The following MFGE8 variants were observed in gnomAD, a reference collection of about 807,000 sequenced individuals.
The protein encoded by MFGE8 is milk fat globule EGF and factor V/VIII domain containing, also known as lactadherin.
MFGE8 carries 34 observed loss-of-function variants against 42.6 expected under a neutral mutation model. That is an observed-to-expected ratio of 0.80 (90% CI 0.61 to 1.06). MFGE8 has a LOEUF of 1.06. MFGE8 is among the 50% of genes least tolerant of loss of function. MFGE8 has a pLI of 0.00. For missense variants in MFGE8, 510 were observed against 516.9 expected (o/e 0.99, Z 0.13); for synonymous variants, 230 against 214.8 (o/e 1.07, Z -0.62).
chr15:88,910,911 T>C (rs1376741329), intron 1 of MFGE8: 1 of 151,836 alleles, frequency 6.6e-6, no homozygotes, highest in Non-Finnish European at 1.5e-5. Context: ...AAAATAAAAA[T>C]AAAATAAAAA....
rs1375624830 is a variant in MFGE8, at chr15:88,905,934, G to A, written c.541-33C>T. 10 of 1,613,608 alleles carry A rather than the reference G, an allele frequency of 6.2e-6. No homozygotes were observed. The South Asian group carries it at 8.8e-5, about 14-fold the overall frequency. On this transcript the variant is annotated intron_variant, in intron 4 of 7. Coordinates refer to ENST00000268150, the MANE Select transcript of MFGE8 (RefSeq NM_005928.4). The surrounding 1 kb of genome is among the most constrained non-coding windows in gnomAD (Gnocchi z 6.6). ...GGAAGGGACAAGACTGGAGAAGGGG[G>A]TCCATCTGAGCAGTCCCCCTCCCTG...
At chr15:88,908,318 C>T (rs989247497) in intron 2 of MFGE8, among the ~76,000 whole-genome samples, 3 of 152,190 alleles carry the variant, frequency 2.0e-5, no homozygotes, top group Non-Finnish European at 4.4e-5. Context: ...GAGGGGAACG[C>T]GCAAAGTGAG....
chr15:88,907,145 C>G, intron 3 of MFGE8, 50 bp downstream of exon 3: 1 of 1,574,360 alleles, frequency 6.4e-7, no homozygotes, highest in Non-Finnish European at 8.6e-7. Context: ...CAGAAACATT[C>G]ATCGAGCCTT....
Position 88,899,445 on chromosome 15 carries a change from CAGGCAGGATGCGCACATAGCG to C in MFGE8, c.1093_1113del (p.Arg365_Pro371del). On this transcript the variant is annotated inframe_deletion, in exon 8 of 8. Coordinates refer to ENST00000268150, the MANE Select transcript of MFGE8 (RefSeq NM_005928.4). The surrounding 1 kb of genome is among the most constrained non-coding windows in gnomAD (Gnocchi z 6.8). ...AGGGCGATGCGGTTGTGCCAGGCTA[CAGGCAGGATGCGCACATAGCG>C]AGCCAGGATGGGCGTCTCAAACAAG... 6.2e-7 allele frequency: 1 copy of C among 1,614,228 alleles called. No individual in the cohort carries two copies. Among genetic ancestry groups the C allele is most frequent in the Non-Finnish European group, 8.5e-7 (1 of 1,180,032 alleles).
At position 88,899,537 on chromosome 15, in the gene MFGE8, A is replaced by T; in HGVS notation, c.1027-5T>A. ...GTCCCAGTTGCCAGGGAAGATCTAG[A>T]GGCAGAGCGGGTGTCAGGAGGACCC... On this transcript the variant is annotated splice_region_variant and splice_polypyrimidine_tract_variant and intron_variant, in intron 7 of 7. Transcript: ENST00000268150. This position sits in a 1 kb window ranked among gnomAD's most constrained non-coding sequence, Gnocchi z 6.8. The T allele has an allele frequency of 6.2e-7, 1 of 1,614,168 alleles. No individual in the cohort carries two copies. Among genetic ancestry groups the T allele is most frequent in the Non-Finnish European group, 8.5e-7 (1 of 1,180,016 alleles).
chr15:88,907,462 G>T, intron 2 of MFGE8, 86 bp from the exon 3 acceptor site: 2 of 1,231,934 alleles, frequency 1.6e-6, no homozygotes, highest in Non-Finnish European at 2.4e-6. Context: ...AAATAAGACT[G>T]TATGACCTCT....
intron 2 of MFGE8, among the ~76,000 whole-genome samples, chr15:88,907,793 C>T (rs943337493): frequency 1.3e-5 from 2 of 151,980 alleles, no homozygotes; most frequent in African/African-American, 4.8e-5. Flanking sequence ...ACTGGTGGCA[C>T]AGAATACCGG....
Position 88,905,622 on chromosome 15 carries a change from G to A in MFGE8, c.685+135C>T, listed in dbSNP as rs1463297720. On this transcript the variant is annotated intron_variant, in intron 5 of 7. Transcript: ENST00000268150. The surrounding 1 kb of genome is among the most constrained non-coding windows in gnomAD (Gnocchi z 6.6). The stretch of plus-strand genomic sequence containing the variant: ...GCCAGGTGACCCCCTAGAGTGCGTT[G>A]CCCGAGTGAAGCCTGGTCCCCGTGC... The A allele has an allele frequency of 2.4e-6, 3 of 1,231,590 alleles. No homozygotes were observed. Among genetic ancestry groups the A allele is most frequent in the Admixed American group, 3.7e-5 (2 of 53,704 alleles). The allele number at this position is 1,231,590 out of a possible 1,614,324, so 76.3% of individuals were successfully genotyped here.
Position 88,899,564 on chromosome 15 carries a change from G to A in MFGE8, c.1027-32C>T, listed in dbSNP as rs761913732. On this transcript the variant is annotated intron_variant, in intron 7 of 7. Coordinates refer to ENST00000268150, the MANE Select transcript of MFGE8 (RefSeq NM_005928.4). This position sits in a 1 kb window ranked among gnomAD's most constrained non-coding sequence, Gnocchi z 6.8. ...GCAGAGCGGGTGTCAGGAGGACCCC[G>A]AGCCAGCCCCCCTCCCCTCAGAGCC... 1.2e-5 allele frequency: 19 copies of A among 1,614,004 alleles called. No individual in the cohort carries two copies. Among genetic ancestry groups the A allele is most frequent in the East Asian group, 1.1e-4 (5 of 44,890 alleles).
rs376048426 is a variant in MFGE8 at position 88,905,887 on chromosome 15, G to T, written c.555C>A (p.Asn185Lys). ...VNKKHKEFVG[N>K]WNKNAVHVNL... ...TGACATGCACCGCGTTTTTGTTCCA[G>T]TTACCCACAAACTCCTAGCAGGGAA... is the stretch of plus-strand genomic sequence containing the variant. Residue 185 changes from asparagine to lysine, a missense_variant, in exon 5 of 8, where the codon AAC becomes AAA. Asn to Lys is a moderately conservative substitution (Grantham distance 94, BLOSUM62 0). Transcript: ENST00000268150. The surrounding 1 kb of genome is among the most constrained non-coding windows in gnomAD (Gnocchi z 6.6). 3.5e-5 allele frequency: 56 copies of T among 1,614,068 alleles called. No individual in the cohort carries two copies. Among genetic ancestry groups the T allele is most frequent in the Non-Finnish European group, 4.6e-5 (54 of 1,180,028 alleles).
In MFGE8 at chr15:88,901,231, TCACA is replaced by T. The variant is rs72336425; in HGVS notation, c.870+316_870+319del. On this transcript the variant is annotated intron_variant, in intron 6 of 7. Coordinates refer to ENST00000268150, the MANE Select transcript of MFGE8 (RefSeq NM_005928.4). Reference sequence around the variant, plus strand: ...CACACACACATTCACACATACACATTCACACACACATTCACACGCACGCATTCAC... The same window carrying T: ...CACACACACATTCACACATACACATTCACACATTCACACGCACGCATTCAC... Among the ~76,000 whole-genome samples the T allele has an allele frequency of 2.6e-4, 17 of 66,034 alleles. 1 individual carries two copies. Among genetic ancestry groups the T allele is most frequent in the African/African-American group, 6.0e-4 (13 of 21,520 alleles). The allele number at this position is 66,034 out of a possible 152,430, so 43.3% of individuals were successfully genotyped here. A position where few individuals can be genotyped will look rare whatever the true frequency, so the allele number is the denominator to read the frequency against.
chr15:88,908,888 T>C (rs757687845), intron 2 of MFGE8, among the ~76,000 whole-genome samples: 7 of 152,130 alleles, frequency 4.6e-5, no homozygotes, highest in Non-Finnish European at 8.8e-5. Context: ...CCCAGCTGGC[T>C]CAAGCCCCCC....
chr15:88,906,612 C>T lies in MFGE8; in HGVS notation c.540+14G>A. On this transcript the variant is annotated intron_variant, in intron 4 of 7. Coordinates refer to ENST00000268150, the MANE Select transcript of MFGE8 (RefSeq NM_005928.4). This position sits in a 1 kb window ranked among gnomAD's most constrained non-coding sequence, Gnocchi z 4.2. The stretch of plus-strand genomic sequence containing the variant: ...TGGACCACAGCCCTTCTTTCGGGCC[C>T]CAACAAGACCTACCTTGTGTTTTTT... The T allele has an allele frequency of 1.2e-6, 2 of 1,613,784 alleles. No homozygotes were observed. The highest frequency in any genetic ancestry group is 1.1e-5 in the South Asian group (1 of 91,006).
At chr15:88,901,517 A>ATACCAACAAAGCGGACC in intron 6 of MFGE8, 34 bp downstream of exon 6, 1 of 1,072,616 alleles carries the variant, frequency 9.3e-7, no homozygotes, top group Non-Finnish European at 1.4e-6. Flanking sequence ...ATCCCACCCA[A>ATACCAACAAAGCGGACC]CCCCAGCCCC....
rs903634297 is a variant in MFGE8, at chr15:88,906,357, C to G, written c.540+269G>C. 1.6e-5 allele frequency: 8 copies of G among 501,148 alleles called. No homozygotes were observed. The highest frequency in any genetic ancestry group is 2.9e-5 in the Non-Finnish European group (8 of 274,236). The allele number at this position is 501,148 out of a possible 1,614,324, so 31.0% of individuals were successfully genotyped here. A position where few individuals can be genotyped will look rare whatever the true frequency, so the allele number is the denominator to read the frequency against. ...TACCCATGAAGGCTCAGAATGAAAC[C>G]CAGCTCCACCACCACTATCACCCTC... On this transcript the variant is annotated intron_variant, in intron 4 of 7. Transcript: ENST00000268150. This position sits in a 1 kb window ranked among gnomAD's most constrained non-coding sequence, Gnocchi z 4.2.
Position 88,899,524 on chromosome 15 carries a change from A to T in MFGE8, c.1035T>A (p.Pro345=), listed in dbSNP as rs1197278198. The T allele has an allele frequency of 6.2e-7, 1 of 1,614,174 alleles. No individual in the cohort carries two copies. The highest frequency in any genetic ancestry group is 1.7e-5 in the Admixed American group (1 of 60,026). The part of the protein sequence containing the change: ...DPRTGSSKIF[P]GNWDNHSHKK... ...TGTGGGAGTGGTTGTCCCAGTTGCC[A>T]GGGAAGATCTAGAGGCAGAGCGGGT... Residue 345 remains proline (P), a synonymous_variant, in exon 8 of 8, where the codon CCT becomes CCA. Coordinates refer to ENST00000268150, the MANE Select transcript of MFGE8 (RefSeq NM_005928.4). This position sits in a 1 kb window ranked among gnomAD's most constrained non-coding sequence, Gnocchi z 6.8.
chr15:88,907,482 C>T, intron 2 of MFGE8, 106 bp from the exon 3 acceptor site: 1 of 999,832 alleles, frequency 1.0e-6, no homozygotes, highest in Non-Finnish European at 1.6e-6. Context: ...TGCCTAAGCC[C>T]CAGGGCCAGG....
intron 1 of MFGE8, chr15:88,910,480 C>T (rs1369636119): frequency 5.2e-6 from 1 of 193,742 alleles, no homozygotes; most frequent in Non-Finnish European, 1.1e-5. Context: ...AATGACCATG[C>T]TAGGCCCCCG....
chr15:88,908,815 C>A (rs1236837044), intron 2 of MFGE8, among the ~76,000 whole-genome samples: 3 of 152,174 alleles, frequency 2.0e-5, no homozygotes, highest in Non-Finnish European at 4.4e-5. Flanking sequence ...GCCCCAGGGC[C>A]ACTTGGGAGG....
Sources: gnomAD v4.1 joint callset for allele counts (sites outside exome capture counted in the v4.1 genomes callset) on GRCh38, gnomAD v4.1.1 for gene constraint, Gnocchi (gnomAD v3.1) non-coding constraint, MANE v1.5 for transcripts, NCBI Gene and HGNC (gene_info 2026-07-23, HGNC 2026-07-21) for gene names.